The following CCAR1 variants were observed in gnomAD, a reference collection of about 807,000 sequenced individuals.
The protein encoded by CCAR1 is cell division cycle and apoptosis regulator 1, also known as cell division cycle and apoptosis regulator protein 1.
A neutral mutation model predicts 163.8 loss-of-function variants in CCAR1; 78 were observed. The ratio of observed to expected loss-of-function variants is 0.48; its 90% CI spans 0.40 to 0.57. The LOEUF (loss-of-function observed/expected upper bound fraction) is 0.57. CCAR1 is among the 20% of genes least tolerant of loss of function. The pLI, the probability that CCAR1 is intolerant of heterozygous loss-of-function variation, is 0.00. For synonymous variants in CCAR1, 443 were observed against 460.7 expected, an observed-to-expected ratio of 0.96 and a Z score of 0.49; for missense variants, 1,019 against 1,365.2, an observed-to-expected ratio of 0.75 and a Z score of 4.00.
intron 5 of CCAR1, 73 bp downstream of exon 5, chr10:68,740,734 T>C: frequency 8.2e-7 from 1 of 1,225,970 alleles, no homozygotes; most frequent in East Asian, 2.4e-5. Flanking sequence ...AGTATTCTAC[T>C]TTTTCTTTCA....
At chr10:68,724,366 T>C (rs1325156192) in intron 2 of CCAR1, among the ~76,000 whole-genome samples, 1 of 152,016 alleles carries the variant, frequency 6.6e-6, no homozygotes, top group Non-Finnish European at 1.5e-5. Context: ...CTCATGAGGC[T>C]GAGGCAGGAG....
intron 16 of CCAR1, among the ~76,000 whole-genome samples, chr10:68,764,539 CAAA>C (rs959153999): frequency 1.4e-5 from 2 of 141,692 alleles, no homozygotes; most frequent in Non-Finnish European, 3.1e-5. Flanking sequence ...TGTCTCAAAA[CAAA>C]AAAAAAAAAG....
chr10:68,757,651 G>A (rs1020276160), intron 15 of CCAR1, among the ~76,000 whole-genome samples: 3 of 151,986 alleles, frequency 2.0e-5, no homozygotes, highest in Non-Finnish European at 2.9e-5. Context: ...CCTGACATCA[G>A]GTGATCCACC....
At chr10:68,758,503 AGTGTGTGTGTGTGT>A (rs71028777) in intron 15 of CCAR1, among the ~76,000 whole-genome samples, 2,673 of 124,580 alleles carry the variant, frequency 0.021, 93 homozygotes, top group African/African-American at 0.075. Flanking sequence ...CATCCTGGGC[AGTGTGTGTGTGTGT>A]GTGTGTGTGT....
chr10:68,736,997 A>G lies in CCAR1; in HGVS notation c.195A>G (p.Gln65=), dbSNP rs1434551342. 6 of 1,613,748 alleles carry G rather than the reference A, an allele frequency of 3.7e-6. No individual in the cohort carries two copies. Among genetic ancestry groups the G allele is most frequent in the Non-Finnish European group, 5.1e-6 (6 of 1,179,828 alleles). The change falls in exon 3 of 25, where the codon CAA becomes CAG. Residue 65 remains glutamine, a synonymous_variant. Transcript: ENST00000265872. Reference sequence around the variant, plus strand: ...CTCCAGCAAACTATCAGTTAACACAAACTGCTGCATTGCAGCAACAAGCCG... The same window carrying G: ...CTCCAGCAAACTATCAGTTAACACAGACTGCTGCATTGCAGCAACAAGCCG... ...TQTPANYQLT[Q]TAALQQQAAA...
At chr10:68,763,474 GTC>G (rs2056500061) in intron 16 of CCAR1, among the ~76,000 whole-genome samples, 1 of 151,642 alleles carries the variant, frequency 6.6e-6, no homozygotes, top group Non-Finnish European at 1.5e-5. Flanking sequence ...TTGAGACGGA[GTC>G]TCTCTCTGTT....
Position 68,782,493 on chromosome 10 carries a change from G to A in CCAR1, c.2651-3643G>A, listed in dbSNP as rs572437742. On this transcript the variant is annotated intron_variant, in intron 19 of 24. Transcript: ENST00000265872. The stretch of plus-strand genomic sequence containing the variant: ...TAAGATCATTGATGAAAATGGCTAT[G>A]CTAAGTAAATTTTCAATGGAGACAA... Among the ~76,000 whole-genome samples, 8 of 152,222 alleles carry A rather than the reference G, an allele frequency of 5.3e-5. No homozygotes were observed. In the South Asian group the frequency reaches 1.0e-3, roughly 20 times the overall value.
chr10:68,778,820 CATG>C (rs1247436243), intron 19 of CCAR1, among the ~76,000 whole-genome samples: 2 of 152,064 alleles, frequency 1.3e-5, no homozygotes, highest in African/African-American at 2.4e-5. Flanking sequence ...TTTTATATCT[CATG>C]ATCCTGTTAA....
intron 19 of CCAR1, among the ~76,000 whole-genome samples, chr10:68,777,090 T>C (rs1403867854): frequency 6.6e-6 from 1 of 152,206 alleles, no homozygotes; most frequent in African/African-American, 2.4e-5. Flanking sequence ...TTGATTCCTT[T>C]CTTTCTGCAG....
chr10:68,786,018 C>T, intron 19 of CCAR1, 118 bp from the exon 20 acceptor site: 1 of 672,728 alleles, frequency 1.5e-6, no homozygotes, highest in Non-Finnish European at 2.7e-6. Flanking sequence ...TCATAGCTCA[C>T]TACACCCTCG....
intron 1 of CCAR1, chr10:68,721,632 G>A (rs2275934): frequency 0.04 from 17,574 of 443,866 alleles, 1,512 homozygotes; most frequent in African/African-American, 0.24. Flanking sequence ...GGCTCCCGGC[G>A]GCGTGGGTCT....
At position 68,749,254 on chromosome 10, in the gene CCAR1, A is replaced by C; in HGVS notation, c.945A>C (p.Lys315Asn). The change falls in exon 9 of 25, where the codon AAA becomes AAC. Residue 315 changes from lysine to asparagine, a missense_variant. By Grantham distance (94) the Lys-to-Asn change is moderately conservative. This residue lies in a region of CCAR1 where 644 missense variants were observed against 904.4 expected (regional missense o/e 0.71). Coordinates refer to ENST00000265872, the MANE Select transcript of CCAR1 (RefSeq NM_018237.4). Reference sequence around the variant, plus strand: ...GAGGGGATCAAGTGCCTAACAGAAAAGATGATCGAAGGTATATTTTCTAAA... The same window carrying C: ...GAGGGGATCAAGTGCCTAACAGAAACGATGATCGAAGGTATATTTTCTAAA... ...NDRGDQVPNR[K>N]DDRSRERERE... 6.2e-7 allele frequency: 1 copy of C among 1,608,108 alleles called. No homozygotes were observed. The highest frequency in any genetic ancestry group is 2.2e-5 in the East Asian group (1 of 44,824).
chr10:68,777,052 T>A (rs1272503027), intron 19 of CCAR1, among the ~76,000 whole-genome samples: 2 of 152,196 alleles, frequency 1.3e-5, no homozygotes, highest in Admixed American at 6.5e-5. Flanking sequence ...TCTTTCCAGT[T>A]GTTGAGACTA....
intron 16 of CCAR1, among the ~76,000 whole-genome samples, chr10:68,761,639 GT>G (rs1211945141): frequency 1.3e-5 from 2 of 150,684 alleles, no homozygotes; most frequent in East Asian, 4.0e-4. Context: ...TTTCGCTCTT[GT>G]TGCCTAGGAG....
chr10:68,755,403 A>G lies in CCAR1; in HGVS notation c.1492A>G (p.Met498Val). The G allele has an allele frequency of 6.2e-7, 1 of 1,614,068 alleles. No individual in the cohort carries two copies. The highest frequency in any genetic ancestry group is 8.5e-7 in the Non-Finnish European group (1 of 1,179,956). Residue 498 changes from methionine (M) to valine (V), a missense_variant, in exon 13 of 25, where the codon ATG becomes GTG. Physicochemically the swap from Met to Val is conservative, Grantham distance 21. This residue lies in a region of CCAR1 where 644 missense variants were observed against 904.4 expected (regional missense o/e 0.71). Coordinates refer to ENST00000265872, the MANE Select transcript of CCAR1 (RefSeq NM_018237.4). ...GGGCATGAAAGGCAAGGATGAAGCTATGGCCATTGGAGGCCACTGGTCTCC... is the reference window on the plus strand; with the variant it reads ...GGGCATGAAAGGCAAGGATGAAGCTGTGGCCATTGGAGGCCACTGGTCTCC... ...LVGMKGKDEA[M>V]AIGGHWSPSL...
In CCAR1 at chr10:68,761,185, A is replaced by G. The variant is rs2056465307; in HGVS notation, c.2099A>G (p.Asp700Gly). ...GATGATGATAGGAAATCTGAAGACG[A>G]TAAAGAGGTATGTACTCAATCTATT... ...DEDDDRKSED[D>G]KEEEERKRQE... is the part of the protein sequence containing the mutation. Residue 700 changes from aspartate (D) to glycine (G), a missense_variant, in exon 16 of 25, where the codon GAT becomes GGT. Coordinates refer to ENST00000265872, the MANE Select transcript of CCAR1 (RefSeq NM_018237.4). The G allele has an allele frequency of 1.3e-6, 2 of 1,592,492 alleles. No homozygotes were observed. The highest frequency in any genetic ancestry group is 1.7e-6 in the Non-Finnish European group (2 of 1,168,966).
chr10:68,747,030 G>T, intron 6 of CCAR1, 131 bp from the exon 7 acceptor site: 1 of 550,870 alleles, frequency 1.8e-6, no homozygotes, highest in Non-Finnish European at 3.2e-6. Flanking sequence ...TTCCATTTCT[G>T]ATATAGTTTA....
chr10:68,747,463 G>C lies in CCAR1; in HGVS notation c.723G>C (p.Gln241His). The C allele has an allele frequency of 6.2e-7, 1 of 1,613,958 alleles. No individual in the cohort carries two copies. Among genetic ancestry groups the C allele is most frequent in the Non-Finnish European group, 8.5e-7 (1 of 1,179,932 alleles). ...APQTTFGVQT[Q>H]PQPQSLLQAQ... is the part of the protein sequence containing the mutation. ...AGACAACATTTGGTGTTCAGACTCA[G>C]CCCCAGCCCCAGTCACTGCTGCAGG... Residue 241 changes from glutamine (Q) to histidine (H), a missense_variant, in exon 8 of 25, where the codon CAG (glutamine) becomes CAC (histidine). This residue lies in a region of CCAR1 where 644 missense variants were observed against 904.4 expected (regional missense o/e 0.71). Coordinates refer to ENST00000265872, the MANE Select transcript of CCAR1 (RefSeq NM_018237.4).
rs1324921841 is a variant in CCAR1 at position 68,736,931 on chromosome 10, A to G, written c.129A>G (p.Thr43=). 4 of 1,614,034 alleles carry G rather than the reference A, an allele frequency of 2.5e-6. No homozygotes were observed. The Admixed American group carries it at 6.7e-5, about 27-fold the overall frequency. ...SLLGASPTIY[T]QQTALAAAGL... ...TTGGAGCATCTCCTACCATTTATAC[A>G]CAGCAAACTGCATTGGCAGCAGCAG... Residue 43 remains threonine (T), a synonymous_variant, in exon 3 of 25, where the codon ACA becomes ACG. Transcript: ENST00000265872.
Sources: gnomAD v4.1 joint callset for allele counts (sites outside exome capture counted in the v4.1 genomes callset) on GRCh38, gnomAD v4.1.1 for gene constraint, gnomAD v4.1.1 regional missense constraint, MANE v1.5 for transcripts, NCBI Gene and HGNC (gene_info 2026-07-23, HGNC 2026-07-21) for gene names.